Variants in SELENBP1 observed in about 807,000 individuals in gnomAD.
The protein encoded by SELENBP1 is methanethiol oxidase.
Under a neutral mutation model 61.0 loss-of-function variants are expected in SELENBP1, and 71 were observed. The ratio of observed to expected loss-of-function variants is 1.16; its 90% CI spans 0.96 to 1.42. The LOEUF (loss-of-function observed/expected upper bound fraction) is 1.42, where lower values mean the gene tolerates loss of function less well. Among genes scored for constraint, SELENBP1 ranks in the 40% most tolerant of loss-of-function variants. The probability of loss-of-function intolerance (pLI) is 0.00; values close to 1 mark genes in which losing one functional copy is unlikely to be tolerated. For synonymous variants in SELENBP1, 270 were observed against 238.9 expected (o/e 1.13, Z -1.20); for missense variants, 561 against 605.0 (o/e 0.93, Z 0.76).
intron 5 of SELENBP1, 87 bp downstream of exon 5, chr1:151,368,112 C>A (rs1250586294): frequency 1.4e-5 from 21 of 1,543,116 alleles, no homozygotes; most frequent in Non-Finnish European, 1.8e-5. Flanking sequence ...CCAACCCTCC[C>A]CTTCCATTCT....
intron 1 of SELENBP1, 121 bp from the exon 2 acceptor site, chr1:151,369,890 C>T: frequency 6.5e-7 from 1 of 1,549,812 alleles, no homozygotes; most frequent in Non-Finnish European, 8.7e-7. Context: ...GGTCCCCACT[C>T]CAGCCTCATC....
In SELENBP1 at chr1:151,369,510, T is replaced by C; in HGVS notation, c.106A>G (p.Thr36Ala). 6.2e-7 allele frequency: 1 copy of C among 1,612,226 alleles called. No homozygotes were observed. The highest frequency in any genetic ancestry group is 8.5e-7 in the Non-Finnish European group (1 of 1,179,360). The change falls in exon 3 of 12, where the codon ACA becomes GCA. Residue 36 changes from threonine to alanine, a missense_variant. Transcript: ENST00000368868. ...AGATAATCTGGGGCCTCAGTGCCTG[T>C]GTTTCGGTAAATGCAGGGCAGGTAG... ...IVYLPCIYRN[T>A]GTEAPDYLAT...
chr1:151,369,335 C>A, intron 3 of SELENBP1, 107 bp downstream of exon 3: 1 of 1,419,350 alleles, frequency 7.0e-7, no homozygotes. Context: ...CGTGCACAAG[C>A]ATCCCCAGGG....
chr1:151,364,989 C>T lies in SELENBP1; in HGVS notation c.1193G>A (p.Arg398His), dbSNP rs541709868. The change falls in exon 11 of 12, where the codon CGC becomes CAC. Residue 398 changes from arginine to histidine, a missense_variant. Physicochemically the swap from Arg to His is conservative, Grantham distance 29. Coordinates refer to ENST00000368868, the MANE Select transcript of SELENBP1 (RefSeq NM_003944.4). Reference sequence around the variant, plus strand: ...GTACAGCGACGTGGTGATGTAGAGGCGCTTCCCATCCAGGCTGAGCTGGAT... The same window carrying T: ...GTACAGCGACGTGGTGATGTAGAGGTGCTTCCCATCCAGGCTGAGCTGGAT... ...QMIQLSLDGKRLYITTSLYSA... is the reference protein window; with the variant it reads ...QMIQLSLDGKHLYITTSLYSA... 27 of 1,613,328 alleles carry T rather than the reference C, an allele frequency of 1.7e-5. No individual in the cohort carries two copies. Among genetic ancestry groups the T allele is most frequent in the South Asian group, 9.9e-5 (9 of 90,814 alleles).
Position 151,368,995 on chromosome 1 carries a change from A to G in SELENBP1, c.360+9T>C. 1 of 1,601,914 alleles carries G rather than the reference A, an allele frequency of 6.2e-7. No individual in the cohort carries two copies. Among genetic ancestry groups the G allele is most frequent in the Non-Finnish European group, 8.5e-7 (1 of 1,170,426 alleles). On this transcript the variant is annotated intron_variant, in intron 4 of 11. Coordinates refer to ENST00000368868, the MANE Select transcript of SELENBP1 (RefSeq NM_003944.4). ...TGGTCTACTGAGCTGGCAAGGGCAG[A>G]GGACATGCCTTGTGCAGCTTTGGGG...
chr1:151,364,750 G>A, intron 11 of SELENBP1, 45 bp from the exon 12 acceptor site: 1 of 1,537,462 alleles, frequency 6.5e-7, no homozygotes, highest in Non-Finnish European at 8.8e-7. Flanking sequence ...AGAGGTGGCT[G>A]CCCCCTTCCC....
intron 1 of SELENBP1, among the ~76,000 whole-genome samples, chr1:151,371,179 T>A (rs1356422301): frequency 2.6e-5 from 4 of 151,552 alleles, no homozygotes; most frequent in Non-Finnish European, 2.9e-5. Context: ...AGGTCAGGAG[T>A]TTGAGACCAG....
intron 1 of SELENBP1, 132 bp from the exon 2 acceptor site, chr1:151,369,901 G>A (rs1330843255): frequency 5.2e-6 from 8 of 1,546,602 alleles, no homozygotes; most frequent in South Asian, 1.2e-5. Context: ...CAGCCTCATC[G>A]CTCTGGCCTG....
Position 151,369,053 on chromosome 1 carries a change from A to G in SELENBP1, c.311T>C (p.Ile104Thr). The change falls in exon 4 of 12, where the codon ATC becomes ACC. Residue 104 changes from isoleucine to threonine, a missense_variant. Ile to Thr is a moderately conservative substitution (Grantham distance 89). Transcript: ENST00000368868. ...CTCAGAGCCCACGTCCACCACATAG[A>G]TGCGAGAGGAGATGAGACTGGGCAG... ...LVLPSLISSR[I>T]YVVDVGSEPR... 1 of 1,613,924 alleles carries G rather than the reference A, an allele frequency of 6.2e-7. No individual in the cohort carries two copies. The highest frequency in any genetic ancestry group is 1.3e-5 in the African/African-American group (1 of 75,038).
At chr1:151,367,358 A>AAAAAAAAAAAAAAAAAAG (rs1651893208) in intron 5 of SELENBP1, 3 of 130,910 alleles carry the variant, frequency 2.3e-5, no homozygotes, top group Non-Finnish European at 5.0e-5. Flanking sequence ...AAAAAAAAAA[A>AAAAAAAAAAAAAAAAAAG]AAGAGAAAAG....
At position 151,364,488 on chromosome 1, in the gene SELENBP1, G is replaced by C. The variant is rs1292700968; in HGVS notation, c.*55C>G. The stretch of plus-strand genomic sequence containing the variant: ...GCCAAGAGAGAGCAGAATGAAGCCA[G>C]GTCCCCAAGGAAGTGAGGGCCCAAA... On this transcript the variant is annotated 3_prime_UTR_variant, in exon 12 of 12. Coordinates refer to ENST00000368868, the MANE Select transcript of SELENBP1 (RefSeq NM_003944.4). 5.6e-6 allele frequency: 9 copies of C among 1,608,764 alleles called. No homozygotes were observed. The highest frequency in any genetic ancestry group is 7.6e-6 in the Non-Finnish European group (9 of 1,176,530).
At position 151,366,409 on chromosome 1, in the gene SELENBP1, C is replaced by T. The variant is rs1295864507; in HGVS notation, c.709G>A (p.Glu237Lys). The stretch of plus-strand genomic sequence containing the variant: ...TTTAGAGACAGGGTCTGCACAATCT[C>T]ATGGCGCTGCCAGTCCCATACATAT... ...HLYVWDWQRH[E>K]IVQTLSLKDG... The change falls in exon 7 of 12, where the codon GAG becomes AAG. Residue 237 changes from glutamate (E) to lysine (K), a missense_variant. By Grantham distance (56) the Glu-to-Lys change is moderately conservative. Transcript: ENST00000368868. The T allele has an allele frequency of 8.1e-6, 13 of 1,613,972 alleles. No individual in the cohort carries two copies. The highest frequency in any genetic ancestry group is 1.1e-5 in the Non-Finnish European group (13 of 1,180,048).
chr1:151,369,888 C>T, intron 1 of SELENBP1, 119 bp from the exon 2 acceptor site: 1 of 1,550,082 alleles, frequency 6.5e-7, no homozygotes, highest in East Asian at 2.4e-5. Context: ...TAGGTCCCCA[C>T]TCCAGCCTCA....
At chr1:151,367,560 T>A (rs1361827631) in intron 5 of SELENBP1, among the ~76,000 whole-genome samples, 2 of 152,036 alleles carry the variant, frequency 1.3e-5, no homozygotes, top group Non-Finnish European at 2.9e-5. Flanking sequence ...CAGCACCTGG[T>A]ATTTCTCTTG....
At chr1:151,371,635 T>C (rs1652143572) in intron 1 of SELENBP1, among the ~76,000 whole-genome samples, 2 of 151,858 alleles carry the variant, frequency 1.3e-5, no homozygotes, top group African/African-American at 4.8e-5. Context: ...AGGAGGTTGC[T>C]GGATACAGAA....
intron 5 of SELENBP1, chr1:151,367,397 TAAA>T (rs1651899720): frequency 1.2e-5 from 1 of 85,850 alleles, no homozygotes; most frequent in Non-Finnish European, 2.5e-5. Flanking sequence ...AAAAAGTAAA[TAAA>T]AAATTCAGGC....
At position 151,368,310 on chromosome 1, in the gene SELENBP1, G is replaced by T; in HGVS notation, c.370C>A (p.Pro124Thr). 1 of 1,614,172 alleles carries T rather than the reference G, an allele frequency of 6.2e-7. No individual in the cohort carries two copies. Among genetic ancestry groups the T allele is most frequent in the Non-Finnish European group, 8.5e-7 (1 of 1,180,020 alleles). The change falls in exon 5 of 12, where the codon CCC (proline) becomes ACC (threonine). Residue 124 changes from proline (P) to threonine (T), a missense_variant. Transcript: ENST00000368868. ...RAPKLHKVIE[P>T]KDIHAKCELA... The stretch of plus-strand genomic sequence containing the variant: ...TCGCACTTGGCATGGATGTCCTTGG[G>T]CTCAATGACCTGGAAGGGGTGGGGA...
rs1194663565 is a variant in SELENBP1, at chr1:151,366,832, G to A, written c.554C>T (p.Pro185Leu). Reference protein sequence around the residue: ...GTWERPGGAAPLGYDFWYQPR... With the variant: ...GTWERPGGAALLGYDFWYQPR... Reference sequence around the variant, plus strand: ...CTGGTACCAGAAGTCATAGCCCAACGGTGCAGCACCCCCAGGTCTCTCCCA... The same window carrying A: ...CTGGTACCAGAAGTCATAGCCCAACAGTGCAGCACCCCCAGGTCTCTCCCA... The change falls in exon 6 of 12, where the codon CCG (proline) becomes CTG (leucine). Residue 185 changes from proline (P) to leucine (L), a missense_variant. Transcript: ENST00000368868. The A allele has an allele frequency of 8.7e-6, 14 of 1,613,996 alleles. No individual in the cohort carries two copies. The highest frequency in any genetic ancestry group is 2.7e-5 in the African/African-American group (2 of 74,894).
In SELENBP1 at chr1:151,365,186, T is replaced by TA. The variant is rs775396190; in HGVS notation, c.1137+2dup. On this transcript the variant is annotated splice_region_variant and intron_variant, in intron 10 of 11. Transcript: ENST00000368868. ...TCCAGCAAGTAGGGGGAGAGGCTCT[T>TA]ACCTTGACCACTAGGGGCTCTGGCT... The TA allele has an allele frequency of 3.3e-5, 53 of 1,613,466 alleles. No individual in the cohort carries two copies. The Admixed American group carries it at 8.8e-4, about 27-fold the overall frequency.
Sources: gnomAD v4.1 joint callset for allele counts (sites outside exome capture counted in the v4.1 genomes callset) on GRCh38, gnomAD v4.1.1 for gene constraint, MANE v1.5 for transcripts, NCBI Gene and HGNC (gene_info 2026-07-23, HGNC 2026-07-21) for gene names.